JADE1: variants seen among roughly 807,000 people sequenced by gnomAD.
The protein encoded by JADE1 is protein Jade-1.
In JADE1, 14 loss-of-function variants were observed where a neutral mutation model predicts 81.8. That is an observed-to-expected ratio of 0.17 (90% CI 0.11 to 0.27). JADE1 has a LOEUF of 0.27. Ranked by LOEUF, JADE1 falls within the 10% of genes least tolerant of loss-of-function variation. The pLI, the probability that JADE1 is intolerant of heterozygous loss-of-function variation, is 1.00. For synonymous variants in JADE1, 353 were observed against 391.9 expected (o/e 0.90, Z 1.17); for missense variants, 690 against 1,047.9 (o/e 0.66, Z 4.71).
At chr4:128,827,930 A>C (rs916619879) in intron 1 of JADE1, 46 of 982,112 alleles carry the variant, frequency 4.7e-5, no homozygotes, top group Middle Eastern at 5.2e-4. Flanking sequence ...GCTCTGCCCC[A>C]AACATGCCCC....
intron 9 of JADE1, among the ~76,000 whole-genome samples, chr4:128,867,469 A>G (rs1443174243): frequency 3.3e-5 from 5 of 152,244 alleles, no homozygotes; most frequent in African/African-American, 7.2e-5. Flanking sequence ...AAGTAATAGA[A>G]GATATTGATG....
rs76983300 is a variant in JADE1, at chr4:128,855,828, C to CTT, written c.864+38_864+39dup. On this transcript the variant is annotated intron_variant, in intron 7 of 10. Coordinates refer to ENST00000226319, the MANE Select transcript of JADE1 (RefSeq NM_199320.4). The stretch of plus-strand genomic sequence containing the variant: ...TGTGGTTCTTTTTTTGTTGTTTTTA[C>CTT]TTTTTTTTAAGACAGAGTTTAACTC... 1.3e-3 allele frequency: 1,927 copies of CTT among 1,510,078 alleles called. 5 individuals carry two copies. The highest frequency in any genetic ancestry group is 1.5e-3 in the Non-Finnish European group (1,652 of 1,109,860). 93.5% of individuals were successfully genotyped at this position (1,510,078 alleles called of 1,614,324 possible).
At chr4:128,860,125 T>G (rs777262746) in intron 8 of JADE1, among the ~76,000 whole-genome samples, 15 of 152,212 alleles carry the variant, frequency 9.9e-5, no homozygotes, top group Non-Finnish European at 1.2e-4. Flanking sequence ...CTGTTCCCAC[T>G]TTTACTTCCC....
chr4:128,862,997 T>G, intron 9 of JADE1: 1 of 985,724 alleles, frequency 1.0e-6, no homozygotes, highest in Non-Finnish European at 1.2e-6. Context: ...GGGTGTCAGA[T>G]CTGTCTGAGG....
chr4:128,833,011 C>G (rs538776090), intron 2 of JADE1, among the ~76,000 whole-genome samples: 1 of 152,256 alleles, frequency 6.6e-6, no homozygotes, highest in Non-Finnish European at 1.5e-5. Flanking sequence ...CAATGAGGAC[C>G]TCTAAGGAAT....
chr4:128,828,463 T>C (rs79844312), intron 1 of JADE1, among the ~76,000 whole-genome samples: 1,909 of 152,262 alleles, frequency 0.013, 49 homozygotes, highest in African/African-American at 0.044. Flanking sequence ...TTAAGTACTT[T>C]AGAGCCACAG....
intron 2 of JADE1, among the ~76,000 whole-genome samples, chr4:128,838,276 A>G (rs1303653606): frequency 6.6e-6 from 1 of 152,236 alleles, no homozygotes; most frequent in African/African-American, 2.4e-5. Context: ...AACATGAGGT[A>G]ATGTAATATA....
chr4:128,825,738 T>A (rs1728004984), intron 1 of JADE1, among the ~76,000 whole-genome samples: 1 of 152,172 alleles, frequency 6.6e-6, no homozygotes, highest in South Asian at 2.1e-4. Flanking sequence ...CTTGATAAAA[T>A]TTTCCTCAAA....
chr4:128,815,233 T>A (rs957679465), intron 1 of JADE1, among the ~76,000 whole-genome samples: 44 of 144,066 alleles, frequency 3.1e-4, no homozygotes, highest in African/African-American at 1.1e-3. Context: ...CCAGAGTAGC[T>A]GGGACTACAG....
chr4:128,826,616 C>G (rs1282705044), intron 1 of JADE1, among the ~76,000 whole-genome samples: 1 of 151,648 alleles, frequency 6.6e-6, no homozygotes, highest in Non-Finnish European at 1.5e-5. Context: ...ATAGTGGCTC[C>G]TCTCTATCTA....
At chr4:128,834,347 C>T (rs1386276438) in intron 2 of JADE1, among the ~76,000 whole-genome samples, 2 of 152,000 alleles carry the variant, frequency 1.3e-5, no homozygotes, top group African/African-American at 2.4e-5. Context: ...CGCTGGTGTG[C>T]CTCAGTGTGA....
intron 8 of JADE1, among the ~76,000 whole-genome samples, chr4:128,859,493 A>G (rs890002872): frequency 1.1e-4 from 16 of 151,538 alleles, no homozygotes; most frequent in African/African-American, 3.4e-4. Context: ...GTGAGTATGC[A>G]TGTGTATGTG....
rs372295205 is a variant in JADE1, at chr4:128,849,213, G to A, written c.484+46G>A. The stretch of plus-strand genomic sequence containing the variant: ...TTATTTTATTAACCAATGATGAATA[G>A]AGACATTTTAGGCAGGTAGGTGAGT... On this transcript the variant is annotated intron_variant, in intron 5 of 10. Coordinates refer to ENST00000226319, the MANE Select transcript of JADE1 (RefSeq NM_199320.4). 2.0e-6 allele frequency: 3 copies of A among 1,515,056 alleles called. No homozygotes were observed. In the African/African-American group the frequency reaches 4.2e-5, roughly 21 times the overall value. The allele number at this position is 1,515,056 out of a possible 1,614,324, so 93.9% of individuals were successfully genotyped here. A position where few individuals can be genotyped will look rare whatever the true frequency, so the allele number is the denominator to read the frequency against.
At chr4:128,848,158 G>A (rs774753649) in intron 4 of JADE1, among the ~76,000 whole-genome samples, 3 of 151,974 alleles carry the variant, frequency 2.0e-5, no homozygotes, top group Non-Finnish European at 4.4e-5. Context: ...AGATTTTTTG[G>A]TAATGGCCGG....
rs1362263706 is a variant in JADE1, at chr4:128,849,103, C to G, written c.420C>G (p.Arg140=). 3.1e-6 allele frequency: 5 copies of G among 1,613,984 alleles called. No homozygotes were observed. Among genetic ancestry groups the G allele is most frequent in the Non-Finnish European group, 4.2e-6 (5 of 1,180,046 alleles). ...DIRTLADSVC[R]YDLNDMDAAW... is the part of the protein sequence containing the mutation. ...GGACGCTGGCTGACAGCGTGTGTCG[C>G]TATGACCTCAATGACATGGATGCTG... Residue 140 remains arginine (R), a synonymous_variant, in exon 5 of 11, where the codon CGC becomes CGG. Coordinates refer to ENST00000226319, the MANE Select transcript of JADE1 (RefSeq NM_199320.4).
At chr4:128,830,895 C>A (rs1728495245) in intron 1 of JADE1, among the ~76,000 whole-genome samples, 1 of 152,188 alleles carries the variant, frequency 6.6e-6, no homozygotes, top group South Asian at 2.1e-4. Context: ...TGCTAGAATT[C>A]TGTTATCATC....
intron 9 of JADE1, chr4:128,864,393 G>A: frequency 1.1e-6 from 1 of 948,700 alleles, no homozygotes; most frequent in Non-Finnish European, 1.3e-6. Flanking sequence ...TGATCTACCT[G>A]TCTTGGCCTC....
rs779147088 is a variant in JADE1, at chr4:128,852,072, A to G, written c.500A>G (p.Asp167Gly). 6.2e-7 allele frequency: 1 copy of G among 1,613,788 alleles called. No homozygotes were observed. Among genetic ancestry groups the G allele is most frequent in the East Asian group, 2.2e-5 (1 of 44,886 alleles). The change falls in exon 6 of 11, where the codon GAT (aspartate) becomes GGT (glycine). Residue 167 changes from aspartate to glycine, a missense_variant. By Grantham distance (94) the Asp-to-Gly change is moderately conservative. Transcript: ENST00000226319. ...TTAACTTCAGGAATGCCTGAACTAG[A>G]TGAATACACCATGGAGAGGGTCCTA... Reference protein sequence around the residue: ...EFKEMGMPELDEYTMERVLEE... With the variant: ...EFKEMGMPELGEYTMERVLEE...
At chr4:128,826,080 A>T (rs908878148) in intron 1 of JADE1, among the ~76,000 whole-genome samples, 3 of 152,208 alleles carry the variant, frequency 2.0e-5, no homozygotes, top group African/African-American at 7.2e-5. Flanking sequence ...CCAAATGCCC[A>T]CTAACTAGCT....
Sources: gnomAD v4.1 joint callset for allele counts (sites outside exome capture counted in the v4.1 genomes callset) on GRCh38, gnomAD v4.1.1 for gene constraint, MANE v1.5 for transcripts, NCBI Gene and HGNC (gene_info 2026-07-23, HGNC 2026-07-21) for gene names.